USP32: variants seen among roughly 807,000 people sequenced by gnomAD.
USP32 encodes ubiquitin specific peptidase 32, also known as ubiquitin carboxyl-terminal hydrolase 32.
In USP32, 59 loss-of-function variants were observed where a neutral mutation model predicts 204.8. That is an observed-to-expected ratio of 0.29 (90% confidence interval 0.23 to 0.36). USP32 has a LOEUF of 0.36. Ranked by LOEUF, USP32 falls within the 10% of genes least tolerant of loss-of-function variation. The pLI is 1.00. For synonymous variants in USP32, 517 were observed against 678.4 expected (o/e 0.76, Z 3.70); for missense variants, 1,160 against 1,946.4 (o/e 0.60, Z 7.60).
chr17:60,197,692 A>G (rs554374573), intron 27 of USP32, among the ~76,000 whole-genome samples: 1 of 152,386 alleles, frequency 6.6e-6, no homozygotes, highest in East Asian at 1.9e-4. Flanking sequence ...AAAATTATTC[A>G]GAGTAAATGC....
At chr17:60,396,377 C>T (rs775472283), upstream of USP32, among the ~76,000 whole-genome samples, 8 of 151,914 alleles carry the variant, frequency 5.3e-5, no homozygotes, top group African/African-American at 1.9e-4. Flanking sequence ...ACGCCTGTCC[C>T]GAAGCTATTT....
At chr17:60,296,654 T>C (rs2087437163) in intron 3 of USP32, among the ~76,000 whole-genome samples, 1 of 152,164 alleles carries the variant, frequency 6.6e-6, no homozygotes, top group African/African-American at 2.4e-5. Flanking sequence ...TACAATCACA[T>C]TTTAAAAAAT....
In USP32 at chr17:60,377,426, G is replaced by A. The variant is rs4047737; in HGVS notation, c.58+14456C>T. On this transcript the variant is annotated intron_variant, in intron 1 of 33. Coordinates refer to ENST00000300896, the MANE Select transcript of USP32 (RefSeq NM_032582.4). ...ATCACTAAATACCCACTTAACCTTCGAACAGTCTCTACTCCAATAACACAC... is the reference window on the plus strand; with the variant it reads ...ATCACTAAATACCCACTTAACCTTCAAACAGTCTCTACTCCAATAACACAC... Among the ~76,000 whole-genome samples, 7 of 151,996 alleles carry A rather than the reference G, an allele frequency of 4.6e-5. No individual in the cohort carries two copies. In the South Asian group the frequency reaches 8.3e-4, roughly 18 times the overall value.
intron 11 of USP32, among the ~76,000 whole-genome samples, chr17:60,240,296 G>T (rs1429467151): frequency 6.6e-6 from 1 of 152,190 alleles, no homozygotes; most frequent in Non-Finnish European, 1.5e-5. Context: ...GACTGCTATA[G>T]TTGTTTGTTT....
chr17:60,275,668 A>G (rs565456199), intron 5 of USP32, among the ~76,000 whole-genome samples: 358 of 152,274 alleles, frequency 2.4e-3, no homozygotes, highest in Middle Eastern at 6.8e-3. Context: ...TTACCTGGAA[A>G]GATAAGAACA....
At chr17:60,301,385 G>T in intron 3 of USP32, 1 of 343,030 alleles carries the variant, frequency 2.9e-6, no homozygotes, top group Non-Finnish European at 5.2e-6. Context: ...TTTACTTTTA[G>T]CCACTCTAGT....
intron 1 of USP32, among the ~76,000 whole-genome samples, chr17:60,370,737 G>C (rs2089422758): frequency 6.9e-6 from 1 of 144,998 alleles, no homozygotes; most frequent in Non-Finnish European, 1.5e-5. Flanking sequence ...ACTCCAGCCT[G>C]AGTGACAGAG....
intron 2 of USP32, among the ~76,000 whole-genome samples, chr17:60,309,377 A>G (rs988108060): frequency 4.6e-5 from 7 of 152,206 alleles, no homozygotes; most frequent in Non-Finnish European, 1.0e-4. Flanking sequence ...ACACAGGCGG[A>G]TAACTTGAGC....
At chr17:60,254,960 A>G (rs1317911440) in intron 10 of USP32, among the ~76,000 whole-genome samples, 1 of 152,030 alleles carries the variant, frequency 6.6e-6, no homozygotes, top group Non-Finnish European at 1.5e-5. Context: ...AATGAGTTAT[A>G]ATAATCTACA....
In USP32 at chr17:60,392,006, C is replaced by T; in HGVS notation, c.-67G>A. The T allele has an allele frequency of 6.5e-7, 1 of 1,537,774 alleles. No individual in the cohort carries two copies. ...GCCCCCACCCCCCTCCCGCCTTCTC[C>T]TCGGCGTCCCTGGGTGACGGTGACG... is the stretch of plus-strand genomic sequence containing the variant. On this transcript the variant is annotated 5_prime_UTR_variant, in exon 1 of 34. Transcript: ENST00000300896.
intron 11 of USP32, among the ~76,000 whole-genome samples, chr17:60,250,502 A>T (rs904583733): frequency 6.6e-6 from 1 of 152,182 alleles, no homozygotes; most frequent in Admixed American, 6.5e-5. Context: ...AAAAGCCTTT[A>T]TGTATGTCCT....
chr17:60,394,826 C>G (rs565236422), upstream of USP32, among the ~76,000 whole-genome samples: 5 of 152,266 alleles, frequency 3.3e-5, no homozygotes, highest in African/African-American at 1.2e-4. Context: ...TCACTGCAGC[C>G]TCTGCCTCCC....
chr17:60,233,576 A>T (rs1480255343), intron 12 of USP32, among the ~76,000 whole-genome samples: 2 of 152,230 alleles, frequency 1.3e-5, no homozygotes, highest in Admixed American at 6.5e-5. Flanking sequence ...GGAGGAAACA[A>T]GGCCCAGAAT....
chr17:60,181,474 T>A lies in USP32; in HGVS notation c.4398A>T (p.Val1466=), dbSNP rs1350793080. 1 of 1,613,910 alleles carries A rather than the reference T, an allele frequency of 6.2e-7. No homozygotes were observed. The highest frequency in any genetic ancestry group is 8.5e-7 in the Non-Finnish European group (1 of 1,179,890). Residue 1466 remains valine (V), a synonymous_variant, in exon 32 of 34, where the codon GTA becomes GTT. Coordinates refer to ENST00000300896, the MANE Select transcript of USP32 (RefSeq NM_032582.4). ...PELVTPQDHE[V]ALANGFLYEH... ...CATAAAGGAATCCATTGGCCAAAGCTACCTCATGGTCCTGAGGAGTGACCA... is the reference window on the plus strand; with the variant it reads ...CATAAAGGAATCCATTGGCCAAAGCAACCTCATGGTCCTGAGGAGTGACCA...
upstream of USP32, among the ~76,000 whole-genome samples, chr17:60,395,607 C>T (rs747288148): frequency 1.3e-5 from 2 of 152,184 alleles, no homozygotes; most frequent in Non-Finnish European, 2.9e-5. Flanking sequence ...TGTTCAATTT[C>T]ATTATAATTA....
chr17:60,318,716 A>G (rs1389392544), intron 2 of USP32, among the ~76,000 whole-genome samples: 1 of 152,206 alleles, frequency 6.6e-6, no homozygotes, highest in African/African-American at 2.4e-5. Context: ...TAGAACCAAA[A>G]CACAAAAATT....
chr17:60,219,890 G>A, intron 15 of USP32, 103 bp from the exon 16 acceptor site: 2 of 1,069,662 alleles, frequency 1.9e-6, no homozygotes, highest in Non-Finnish European at 2.6e-6. Flanking sequence ...TGTCCAACAA[G>A]TTCACTAGCT....
At chr17:60,353,722 CAG>C (rs1379226290) in intron 1 of USP32, among the ~76,000 whole-genome samples, 1 of 152,118 alleles carries the variant, frequency 6.6e-6, no homozygotes, top group Non-Finnish European at 1.5e-5. Flanking sequence ...GCCTGGGAGA[CAG>C]AGTGAGACTC....
At chr17:60,212,444 T>C (rs2084995772) in intron 18 of USP32, among the ~76,000 whole-genome samples, 1 of 152,168 alleles carries the variant, frequency 6.6e-6, no homozygotes, top group African/African-American at 2.4e-5. Flanking sequence ...TGTTAGAACA[T>C]AGAAAAGGCA....
Sources: allele counts gnomAD v4.1 joint callset (sites outside exome capture counted in the v4.1 genomes callset), GRCh38; gene constraint gnomAD v4.1.1; transcripts MANE v1.5; gene names NCBI Gene and HGNC (gene_info 2026-07-23, HGNC 2026-07-21).